The following BET1 variants were observed in gnomAD, a reference collection of about 807,000 sequenced individuals.
BET1 encodes the protein BET1 homolog.
Under a neutral mutation model 13.9 loss-of-function variants are expected in BET1, and 9 were observed. The ratio of observed to expected loss-of-function variants is 0.65; its 90% CI spans 0.39 to 1.13. BET1 has a LOEUF of 1.13. Ranked by LOEUF, BET1 falls within the 50% of genes most tolerant of loss-of-function variation. The pLI is 0.01. For synonymous variants in BET1, 39 were observed against 47.3 expected, an observed-to-expected ratio of 0.82 and a Z score of 0.72; for missense variants, 127 against 133.6, an observed-to-expected ratio of 0.95 and a Z score of 0.24.
chr7:93,979,516 C>G (rs928308804), intron 4 of BET1, among the ~76,000 whole-genome samples: 1 of 151,962 alleles, frequency 6.6e-6, no homozygotes, highest in Non-Finnish European at 1.5e-5. Flanking sequence ...CAGCAAGAAC[C>G]TTCCTTCTCC....
exon 5 of BET1, chr7:93,975,968 C>T (rs1795328639): frequency 7.9e-7 from 1 of 1,268,108 alleles, no homozygotes; most frequent in Non-Finnish European, 1.0e-6. Flanking sequence ...TATAATTCTG[C>T]AGCTGTGATA....
downstream of BET1, among the ~76,000 whole-genome samples, chr7:93,988,364 C>T (rs935409330): frequency 3.9e-5 from 6 of 152,034 alleles, no homozygotes; most frequent in African/African-American, 7.2e-5. Context: ...CTTTTGAAGA[C>T]GTTAACAGTT....
chr7:94,003,855 G>A (rs1348615490), intron 1 of BET1, among the ~76,000 whole-genome samples: 1 of 152,088 alleles, frequency 6.6e-6, no homozygotes, highest in Non-Finnish European at 1.5e-5. Context: ...TAGGGAAACA[G>A]AAACCGGAGT....
At chr7:93,983,505 G>A (rs544017796) in intron 4 of BET1, among the ~76,000 whole-genome samples, 74 of 152,108 alleles carry the variant, frequency 4.9e-4, no homozygotes, top group Admixed American at 1.3e-3. Flanking sequence ...TGCATCAATG[G>A]TTAAGTTTGA....
chr7:93,980,088 T>C (rs570600987), intron 4 of BET1, among the ~76,000 whole-genome samples: 1 of 152,214 alleles, frequency 6.6e-6, no homozygotes, highest in East Asian at 1.9e-4. Flanking sequence ...CATGAAGAAA[T>C]GGAAAACCTG....
At chr7:94,000,586 C>T (rs1562809381) in intron 1 of BET1, among the ~76,000 whole-genome samples, 1 of 152,084 alleles carries the variant, frequency 6.6e-6, no homozygotes, top group African/African-American at 2.4e-5. Context: ...TGGCTTCAAT[C>T]GTCCCAGGTG....
chr7:93,965,920 C>G (rs931514536), intron 6 of BET1, among the ~76,000 whole-genome samples: 5 of 151,948 alleles, frequency 3.3e-5, no homozygotes, highest in Admixed American at 2.6e-4. Context: ...AAAGTTTTTA[C>G]AGACCATGTG....
At chr7:93,999,513 T>G (rs897271287) in intron 1 of BET1, 1 of 524,936 alleles carries the variant, frequency 1.9e-6, no homozygotes, top group Non-Finnish European at 3.3e-6. Flanking sequence ...GTTCAGTTCA[T>G]TTTGATACAC....
chr7:93,993,404 A>G lies in BET1; in HGVS notation c.*826T>C, dbSNP rs1362555279. The G allele has an allele frequency of 1.5e-5, 15 of 982,656 alleles. No individual in the cohort carries two copies. Among genetic ancestry groups the G allele is most frequent in the Non-Finnish European group, 1.8e-5 (15 of 827,092 alleles). The allele number at this position is 982,656 out of a possible 1,614,324, so 60.9% of individuals were successfully genotyped here. A position where few individuals can be genotyped will look rare whatever the true frequency, so the allele number is the denominator to read the frequency against. On this transcript the variant is annotated 3_prime_UTR_variant, in exon 4 of 4. Coordinates refer to ENST00000222547, the MANE Select transcript of BET1 (RefSeq NM_005868.6). ...AACAAATACACTGGATTAAAGCAAT[A>G]ATACTCTTATCTTCAAGTTCAATGC...
exon 7 of BET1, chr7:93,963,441 G>A (rs1795129473): frequency 6.6e-6 from 1 of 151,706 alleles, no homozygotes; most frequent in Non-Finnish European, 1.5e-5. Context: ...TTTTTTCATA[G>A]CACTTATCAT....
exon 5 of BET1, chr7:93,975,983 G>A (rs1347023730): frequency 3.9e-6 from 5 of 1,276,432 alleles, no homozygotes; most frequent in Non-Finnish European, 5.1e-6. Flanking sequence ...GTGATAGATG[G>A]CACTGAAAGT....
chr7:93,980,470 G>A (rs1361375387), intron 4 of BET1, among the ~76,000 whole-genome samples: 1 of 152,148 alleles, frequency 6.6e-6, no homozygotes, highest in Non-Finnish European at 1.5e-5. Flanking sequence ...TGGGATTCAA[G>A]GGTGGTTCAA....
At chr7:93,982,332 C>T (rs1017565877) in intron 4 of BET1, among the ~76,000 whole-genome samples, 5 of 152,118 alleles carry the variant, frequency 3.3e-5, no homozygotes, top group Non-Finnish European at 7.4e-5. Flanking sequence ...GGAATTCTCT[C>T]ACTCTGCCAT....
At chr7:93,990,252 TA>T (rs1562805022), downstream of BET1, among the ~76,000 whole-genome samples, 3 of 151,998 alleles carry the variant, frequency 2.0e-5, no homozygotes, top group African/African-American at 7.2e-5. Context: ...CTACTTTCCT[TA>T]AAAATAAGAC....
chr7:93,989,314 G>A (rs17245818), downstream of BET1, among the ~76,000 whole-genome samples: 64,769 of 151,804 alleles, frequency 0.43, 14,512 homozygotes, highest in African/African-American at 0.56. Flanking sequence ...GTGCCAGGCC[G>A]AAGCAAGTAT....
At chr7:93,985,908 G>C (rs970989203) in intron 4 of BET1, among the ~76,000 whole-genome samples, 1 of 152,188 alleles carries the variant, frequency 6.6e-6, no homozygotes, top group Non-Finnish European at 1.5e-5. Context: ...CAAGGACCTA[G>C]AGCATCTTAG....
chr7:93,975,411 C>T (rs544130507), intron 5 of BET1, among the ~76,000 whole-genome samples: 8 of 152,016 alleles, frequency 5.3e-5, no homozygotes, highest in South Asian at 4.2e-4. Context: ...AAAGTGCAGA[C>T]GATTTTTATT....
downstream of BET1, among the ~76,000 whole-genome samples, chr7:93,988,759 T>C (rs1795573101): frequency 6.6e-6 from 1 of 151,798 alleles, no homozygotes; most frequent in South Asian, 2.1e-4. Flanking sequence ...GAATATAATT[T>C]AGGTAAAAGA....
intron 4 of BET1, among the ~76,000 whole-genome samples, chr7:93,978,190 C>T (rs1397463273): frequency 1.3e-5 from 2 of 152,084 alleles, no homozygotes; most frequent in Admixed American, 6.5e-5. Flanking sequence ...CATCTCTCAG[C>T]CTCCCCATAG....
Sources: gnomAD v4.1 joint callset for allele counts (sites outside exome capture counted in the v4.1 genomes callset) on GRCh38, gnomAD v4.1.1 for gene constraint, MANE v1.5 for transcripts, NCBI Gene and HGNC (gene_info 2026-07-23, HGNC 2026-07-21) for gene names.